Variants in HCFC2 observed in about 807,000 individuals in gnomAD.
HCFC2 encodes host cell factor C2, also known as host cell factor 2.
Under a neutral mutation model 89.2 loss-of-function variants are expected in HCFC2, and 18 were observed. That is an observed-to-expected ratio of 0.20 (90% CI 0.14 to 0.30). The LOEUF is 0.30. HCFC2 is among the 10% of genes least tolerant of loss of function. HCFC2 has a pLI of 1.00. For synonymous variants in HCFC2, 308 were observed against 335.7 expected (o/e 0.92, Z 0.90); for missense variants, 578 against 956.1 (o/e 0.60, Z 5.21).
intron 12 of HCFC2, 69 bp downstream of exon 12, chr12:104,096,502 C>T: frequency 9.6e-7 from 1 of 1,044,620 alleles, no homozygotes; most frequent in Non-Finnish European, 1.5e-6. Context: ...TGAGCAACTT[C>T]TAAATAATTT....
At chr12:104,091,477 T>G (rs924614258) in intron 9 of HCFC2, among the ~76,000 whole-genome samples, 31 of 152,258 alleles carry the variant, frequency 2.0e-4, no homozygotes, top group Admixed American at 2.0e-3. Context: ...TTTTCTCTTC[T>G]GCCATTCTCT....
chr12:104,091,136 A>G (rs1884011528), intron 9 of HCFC2, among the ~76,000 whole-genome samples: 1 of 152,192 alleles, frequency 6.6e-6, no homozygotes, highest in South Asian at 2.1e-4. Context: ...CTCTCCCCAT[A>G]CTTGTATCAT....
intron 9 of HCFC2, 81 bp from the exon 10 acceptor site, chr12:104,093,305 A>C: frequency 1.1e-6 from 1 of 872,748 alleles, no homozygotes; most frequent in Non-Finnish European, 1.7e-6. Context: ...TTTAAATTGT[A>C]ACTTATTTTG....
At chr12:104,088,653 G>C (rs1319720032) in intron 9 of HCFC2, among the ~76,000 whole-genome samples, 2 of 152,098 alleles carry the variant, frequency 1.3e-5, no homozygotes, top group Non-Finnish European at 2.9e-5. Context: ...TGTAGGTATT[G>C]GCTCATACGT....
chr12:104,096,110 A>G (rs1884168928), intron 11 of HCFC2, among the ~76,000 whole-genome samples: 1 of 152,154 alleles, frequency 6.6e-6, no homozygotes, highest in Admixed American at 6.5e-5. Flanking sequence ...TTAGCTAGTC[A>G]TCAAACCCTT....
rs1009816884 is a variant in HCFC2, at chr12:104,094,015, G to A, written c.1462+452G>A. ...AGACTTGACAACTGGTTGTATATGAGAAATAAAAATGAGTTGAATATGACT... is the reference window on the plus strand; with the variant it reads ...AGACTTGACAACTGGTTGTATATGAAAAATAAAAATGAGTTGAATATGACT... On this transcript the variant is annotated intron_variant, in intron 10 of 14. Coordinates refer to ENST00000229330, the MANE Select transcript of HCFC2 (RefSeq NM_013320.3). Among the ~76,000 whole-genome samples the A allele has an allele frequency of 6.5e-4, 99 of 152,094 alleles. 1 individual carries two copies. The highest frequency in any genetic ancestry group is 2.3e-3 in the African/African-American group (95 of 41,414).
At chr12:104,080,315 A>T in intron 4 of HCFC2, 1 of 161,950 alleles carries the variant, frequency 6.2e-6, no homozygotes, top group Non-Finnish European at 1.3e-5. Flanking sequence ...CCCTGATATA[A>T]AATGGTGTAG....
intron 5 of HCFC2, among the ~76,000 whole-genome samples, chr12:104,082,064 T>C (rs1377662455): frequency 6.6e-6 from 1 of 152,122 alleles, no homozygotes; most frequent in Non-Finnish European, 1.5e-5. Flanking sequence ...AGGAACACAG[T>C]TTAAAGTTTT....
rs1193877086 is a variant in HCFC2, at chr12:104,103,561, C to A, written c.*288C>A. 4 of 330,578 alleles carry A rather than the reference C, an allele frequency of 1.2e-5. No individual in the cohort carries two copies. The East Asian group carries it at 2.6e-4, about 21-fold the overall frequency. 20.5% of individuals were successfully genotyped at this position (330,578 alleles called of 1,614,324 possible). A position where few individuals can be genotyped will look rare whatever the true frequency, so the allele number is the denominator to read the frequency against. On this transcript the variant is annotated 3_prime_UTR_variant, in exon 15 of 15. Transcript: ENST00000229330. Reference sequence around the variant, plus strand: ...CTAGAAAGCTTTATTACCCCAATATCTTTTATAAGGGCTGTGTAACCCAGT... The same window carrying A: ...CTAGAAAGCTTTATTACCCCAATATATTTTATAAGGGCTGTGTAACCCAGT...
intron 1 of HCFC2, 98 bp from the exon 2 acceptor site, chr12:104,066,069 C>G: frequency 1.7e-6 from 2 of 1,189,734 alleles, no homozygotes; most frequent in Non-Finnish European, 2.4e-6. Context: ...AGAATCATCC[C>G]CAGTTGAGAC....
At chr12:104,091,592 G>A (rs7133289) in intron 9 of HCFC2, among the ~76,000 whole-genome samples, 22,154 of 152,088 alleles carry the variant, frequency 0.15, 1,678 homozygotes, top group South Asian at 0.22. Context: ...TTAATCTATC[G>A]TGTTTAATGA....
intron 7 of HCFC2, among the ~76,000 whole-genome samples, chr12:104,086,384 G>A (rs1279792684): frequency 6.6e-6 from 1 of 152,044 alleles, no homozygotes; most frequent in African/African-American, 2.4e-5. Flanking sequence ...GCTGTTGGCT[G>A]AAAATTGGCT....
chr12:104,071,840 A>G (rs1206105051), intron 3 of HCFC2, among the ~76,000 whole-genome samples: 2 of 152,036 alleles, frequency 1.3e-5, no homozygotes, highest in Non-Finnish European at 2.9e-5. Context: ...TGTCTTTTTT[A>G]TTGTCGCCAT....
intron 1 of HCFC2, chr12:104,065,331 A>G (rs1421749081): frequency 6.6e-6 from 1 of 152,256 alleles, no homozygotes; most frequent in African/African-American, 2.4e-5. Flanking sequence ...TGGCCCTCGG[A>G]AAGAGGACTG....
At chr12:104,066,810 CAG>C (rs1203883852) in intron 2 of HCFC2, among the ~76,000 whole-genome samples, 2 of 152,198 alleles carry the variant, frequency 1.3e-5, no homozygotes, top group Non-Finnish European at 2.9e-5. Context: ...TGTTTAGAGA[CAG>C]AGTCTTGCTC....
intron 7 of HCFC2, among the ~76,000 whole-genome samples, chr12:104,086,484 C>A (rs191480246): frequency 2.6e-5 from 4 of 151,962 alleles, no homozygotes; most frequent in African/African-American, 7.3e-5. Context: ...CAGCCTCCCC[C>A]CAAAAACCTT....
At chr12:104,090,388 G>A (rs1207017754) in intron 9 of HCFC2, among the ~76,000 whole-genome samples, 1 of 151,968 alleles carries the variant, frequency 6.6e-6, no homozygotes, top group Non-Finnish European at 1.5e-5. Context: ...TTCAACAATG[G>A]TGTGCCTTAG....
In HCFC2 at chr12:104,089,572, G is replaced by A. The variant is rs554640255; in HGVS notation, c.1284+1534G>A. The stretch of plus-strand genomic sequence containing the variant: ...ATGAACCCTTACAGTTCAAACTCAT[G>A]TTGTTGAAGGGTCTACTTTTAGATC... On this transcript the variant is annotated intron_variant, in intron 9 of 14. Coordinates refer to ENST00000229330, the MANE Select transcript of HCFC2 (RefSeq NM_013320.3). 1.6e-4 allele frequency among the ~76,000 whole-genome samples: 24 copies of A among 152,288 alleles called. No homozygotes were observed. The South Asian group carries it at 4.8e-3, about 30-fold the overall frequency.
At chr12:104,069,032 G>C (rs573170685) in intron 3 of HCFC2, among the ~76,000 whole-genome samples, 2 of 152,038 alleles carry the variant, frequency 1.3e-5, no homozygotes, top group Non-Finnish European at 2.9e-5. Flanking sequence ...ACCACCAGGC[G>C]TTGTGGCTCA....
Sources: gnomAD v4.1 joint callset for allele counts (sites outside exome capture counted in the v4.1 genomes callset) on GRCh38, gnomAD v4.1.1 for gene constraint, MANE v1.5 for transcripts, NCBI Gene and HGNC (gene_info 2026-07-23, HGNC 2026-07-21) for gene names.